C5: variants seen among roughly 807,000 people sequenced by gnomAD.
C5 encodes the protein C3 and PZP-like alpha-2-macroglobulin domain-containing protein 4.
In C5, 140 loss-of-function variants were observed where a neutral mutation model predicts 218.8. The ratio of observed to expected loss-of-function variants is 0.64; its 90% confidence interval spans 0.56 to 0.74. The LOEUF (loss-of-function observed/expected upper bound fraction) is 0.74, where lower values mean the gene tolerates loss of function less well. Ranked by LOEUF, C5 falls within the 30% of genes least tolerant of loss-of-function variation. The pLI is 0.00. For missense variants in C5, 1,700 were observed against 1,969.6 expected (o/e 0.86, Z 2.59); for synonymous variants, 614 against 682.3 (o/e 0.90, Z 1.56).
At chr9:121,065,305 AC>A in the C5 span, among the ~76,000 whole-genome samples, 2 of 152,166 alleles carry the variant, frequency 1.3e-5, no homozygotes, top group Non-Finnish European at 2.9e-5. Flanking sequence ...CCATGGATCT[AC>A]AGCCAATATA....
chr9:121,007,926 G>A (rs1025951380), intron 18 of C5, among the ~76,000 whole-genome samples: 5 of 152,160 alleles, frequency 3.3e-5, no homozygotes, highest in Non-Finnish European at 5.9e-5. Flanking sequence ...CCTTCTCATT[G>A]GAAAACCAGT....
intron 20 of C5, among the ~76,000 whole-genome samples, chr9:121,000,896 T>C (rs1489617235): frequency 6.6e-6 from 1 of 152,178 alleles, no homozygotes; most frequent in Non-Finnish European, 1.5e-5. Flanking sequence ...ATATACTCAA[T>C]GTTTAGCTCC....
At chr9:121,015,314 T>TA in intron 15 of C5, 53 bp from the exon 16 acceptor site, 1 of 1,249,986 alleles carries the variant, frequency 8.0e-7, no homozygotes. Flanking sequence ...AGATAAAATC[T>TA]CAAAAAAAAA....
At chr9:121,027,060 T>C in intron 8 of C5, 100 bp downstream of exon 8, 2 of 739,132 alleles carry the variant, frequency 2.7e-6, no homozygotes, top group Non-Finnish European at 2.4e-6. Flanking sequence ...TTTCAACCTA[T>C]CTAAAATGGG....
rs967518879 is a variant in C5 at position 121,005,928 on chromosome 9, A to G, written c.2553T>C (p.Ser851=). The G allele has an allele frequency of 6.2e-7, 1 of 1,613,578 alleles. No homozygotes were observed. The part of the protein sequence containing the change: ...LKGTVYNYRT[S]GMQFCVKMSA... ...ATTAACACCTACTTACCTGCATCCC[A>G]GAAGTCCTATAGTTGTAAACAGTTC... Residue 851 remains serine (S), a synonymous_variant, in exon 20 of 41, where the codon TCT becomes TCC. Transcript: ENST00000223642.
intron 1 of C5, among the ~76,000 whole-genome samples, chr9:121,048,295 T>C (rs565056657): frequency 4.9e-4 from 75 of 152,296 alleles, no homozygotes; most frequent in African/African-American, 1.8e-3. Context: ...CCATGGCTTG[T>C]TAGGAACCAG....
At chr9:120,970,112 A>G (rs2131680735) in intron 32 of C5, 58 bp downstream of exon 32, 1 of 1,181,074 alleles carries the variant, frequency 8.5e-7, no homozygotes, top group Non-Finnish European at 1.3e-6. Flanking sequence ...GAAGCTCTCT[A>G]TTTATACACA....
At chr9:120,964,902 G>A (rs748572629) in intron 33 of C5, among the ~76,000 whole-genome samples, 9 of 152,140 alleles carry the variant, frequency 5.9e-5, no homozygotes, top group Non-Finnish European at 1.0e-4. Flanking sequence ...CAGAGGCTTA[G>A]AGCTACCATT....
chr9:121,033,861 C>T (rs1331235118), intron 5 of C5, among the ~76,000 whole-genome samples: 1 of 151,874 alleles, frequency 6.6e-6, no homozygotes, highest in Non-Finnish European at 1.5e-5. Context: ...TTCTTTCTTT[C>T]TTTTCTTCCC....
intron 28 of C5, among the ~76,000 whole-genome samples, chr9:120,977,318 C>T (rs1352538187): frequency 1.3e-5 from 2 of 152,144 alleles, no homozygotes; most frequent in Non-Finnish European, 2.9e-5. Flanking sequence ...AAATGAATTT[C>T]ATGTTTAGAC....
intron 2 of C5, among the ~76,000 whole-genome samples, chr9:121,045,508 A>C (rs1306852720): frequency 6.6e-6 from 1 of 152,150 alleles, no homozygotes; most frequent in Non-Finnish European, 1.5e-5. Flanking sequence ...TTCCATTTTT[A>C]ATTTCTTTAT....
At chr9:120,970,894 G>A (rs569802833) in intron 31 of C5, among the ~76,000 whole-genome samples, 4 of 152,182 alleles carry the variant, frequency 2.6e-5, no homozygotes, top group Non-Finnish European at 4.4e-5. Flanking sequence ...CCTGCCAGCT[G>A]GGCGTGGTGG....
At chr9:121,032,336 CT>C in intron 5 of C5, 141 bp from the exon 6 acceptor site, 1 of 580,428 alleles carries the variant, frequency 1.7e-6, no homozygotes. Flanking sequence ...TTATTTGTGA[CT>C]GATTTTTAAG....
In C5 at chr9:121,042,997, A is replaced by G; in HGVS notation, c.421+7T>C. 1.9e-6 allele frequency: 3 copies of G among 1,607,582 alleles called. No individual in the cohort carries two copies. Among genetic ancestry groups the G allele is most frequent in the Non-Finnish European group, 2.6e-6 (3 of 1,174,354 alleles). Reference sequence around the variant, plus strand: ...CCACCCAGAGGAAGAAATATCTTATAATCTACCTGACTGGTCTGGAGTATA... The same window carrying G: ...CCACCCAGAGGAAGAAATATCTTATGATCTACCTGACTGGTCTGGAGTATA... On this transcript the variant is annotated splice_region_variant and intron_variant, in intron 3 of 40. Transcript: ENST00000223642.
chr9:121,073,649 G>A, the C5 span, among the ~76,000 whole-genome samples: 2 of 151,720 alleles, frequency 1.3e-5, no homozygotes, highest in Admixed American at 6.6e-5. Context: ...AAGCAGCTGG[G>A]ATGACAAGCG....
chr9:121,006,346 T>C (rs539547160), intron 19 of C5, among the ~76,000 whole-genome samples: 1 of 152,362 alleles, frequency 6.6e-6, no homozygotes, highest in African/African-American at 2.4e-5. Flanking sequence ...ATATTCATTA[T>C]TGGCTCCATG....
intron 17 of C5, among the ~76,000 whole-genome samples, chr9:121,011,060 C>T (rs143490033): frequency 1.6e-4 from 25 of 152,306 alleles, no homozygotes; most frequent in African/African-American, 5.8e-4. Flanking sequence ...CTCTCTAGGA[C>T]ATTGGTCTGG....
the C5 span, among the ~76,000 whole-genome samples, chr9:121,063,565 C>G: frequency 3.3e-5 from 5 of 151,948 alleles, no homozygotes; most frequent in African/African-American, 1.2e-4. Flanking sequence ...GCTACACTTT[C>G]CTGCATCTTT....
intron 5 of C5, 95 bp downstream of exon 5, chr9:121,034,708 C>T (rs1188408380): frequency 2.5e-5 from 18 of 720,952 alleles, no homozygotes; most frequent in Non-Finnish European, 2.8e-5. Flanking sequence ...CTATGTGACA[C>T]CCTTTGTTAA....
Sources: gnomAD v4.1 joint callset for allele counts (sites outside exome capture counted in the v4.1 genomes callset) on GRCh38, gnomAD v4.1.1 for gene constraint, MANE v1.5 for transcripts, NCBI Gene and HGNC (gene_info 2026-07-23, HGNC 2026-07-21) for gene names.